The following SLCO2A1 variants were observed in gnomAD, a reference collection of about 807,000 sequenced individuals.
SLCO2A1 encodes the protein solute carrier organic anion transporter family member 2A1.
Under a neutral mutation model 71.7 loss-of-function variants are expected in SLCO2A1, and 60 were observed. That is an observed-to-expected ratio of 0.84 (90% CI 0.68 to 1.04). The LOEUF is 1.04. SLCO2A1 is among the 50% of genes least tolerant of loss of function. The pLI is 0.00. For missense variants in SLCO2A1, 745 were observed against 813.4 expected (o/e 0.92, Z 1.02); for synonymous variants, 308 against 326.7 (o/e 0.94, Z 0.62).
At chr3:133,990,664 C>T (rs1014941906) in intron 1 of SLCO2A1, among the ~76,000 whole-genome samples, 2 of 152,166 alleles carry the variant, frequency 1.3e-5, no homozygotes, top group Non-Finnish European at 1.5e-5. Flanking sequence ...TCCACTTCTC[C>T]ATCGCACTGT....
chr3:134,013,578 T>C (rs1352178992), intron 1 of SLCO2A1, among the ~76,000 whole-genome samples: 1 of 152,072 alleles, frequency 6.6e-6, no homozygotes, highest in Non-Finnish European at 1.5e-5. Context: ...CTAGGTACCA[T>C]TCCCTCTGCA....
intron 6 of SLCO2A1, 72 bp from the exon 7 acceptor site, chr3:133,949,043 T>C: frequency 7.5e-7 from 1 of 1,337,148 alleles, no homozygotes; most frequent in Non-Finnish European, 1.1e-6. Context: ...AGCCCTTGAG[T>C]CTCTGGCCTC....
At chr3:134,014,625 A>AG (rs1935407288) in intron 1 of SLCO2A1, among the ~76,000 whole-genome samples, 1 of 152,190 alleles carries the variant, frequency 6.6e-6, no homozygotes. Context: ...GTCTCATCTC[A>AG]ATCAGCAACT....
At chr3:133,941,654 T>TTGCCAGC (rs1272000396) in intron 11 of SLCO2A1, among the ~76,000 whole-genome samples, 1 of 152,058 alleles carries the variant, frequency 6.6e-6, no homozygotes, top group Non-Finnish European at 1.5e-5. Context: ...GAAGCATTCA[T>TTGCCAGC]TGCCAGCTGC....
intron 9 of SLCO2A1, among the ~76,000 whole-genome samples, chr3:133,945,633 G>A (rs1018605953): frequency 6.6e-6 from 1 of 152,164 alleles, no homozygotes; most frequent in Non-Finnish European, 1.5e-5. Flanking sequence ...CCGAAAAACA[G>A]TGGCTGGGAC....
intron 3 of SLCO2A1, among the ~76,000 whole-genome samples, chr3:133,959,644 GC>G (rs2108048168): frequency 6.6e-6 from 1 of 152,192 alleles, no homozygotes; most frequent in African/African-American, 2.4e-5. Context: ...GGGTAACATG[GC>G]AAAACCCTGT....
chr3:133,952,051 C>T (rs1040517680), intron 5 of SLCO2A1, among the ~76,000 whole-genome samples: 5 of 152,120 alleles, frequency 3.3e-5, no homozygotes, highest in East Asian at 1.9e-4. Context: ...AGAAACTATC[C>T]GGGCATAAAG....
chr3:133,948,542 G>C lies in SLCO2A1; in HGVS notation c.1099C>G (p.Leu367Val), dbSNP rs772320191. The change falls in exon 8 of 14, where the codon CTC (leucine) becomes GTC (valine). Residue 367 changes from leucine (L) to valine (V), a missense_variant. By Grantham distance (32) the Leu-to-Val change is conservative. Transcript: ENST00000310926. ...CAGCACCCTCTGGGCTCACCAATGAGGAAGTTGGCATAGGCTGCTGAGGTG... is the reference window on the plus strand; with the variant it reads ...CAGCACCCTCTGGGCTCACCAATGACGAAGTTGGCATAGGCTGCTGAGGTG... The part of the protein sequence containing the change: ...YGTSAAYANF[L>V]IGAVNLPAAA... 3.7e-6 allele frequency: 6 copies of C among 1,613,608 alleles called. No individual in the cohort carries two copies. Among genetic ancestry groups the C allele is most frequent in the Non-Finnish European group, 5.1e-6 (6 of 1,179,750 alleles).
chr3:133,948,499 C>T, intron 8 of SLCO2A1, 37 bp downstream of exon 8: 1 of 1,589,082 alleles, frequency 6.3e-7, no homozygotes, highest in Non-Finnish European at 8.6e-7. Context: ...CTGGCCCAGG[C>T]AAGCCCTGCG....
intron 10 of SLCO2A1, among the ~76,000 whole-genome samples, chr3:133,944,533 C>T (rs1293392041): frequency 6.6e-6 from 1 of 152,204 alleles, no homozygotes; most frequent in Non-Finnish European, 1.5e-5. Context: ...AGATACATGG[C>T]TTTGAATAGA....
chr3:134,020,783 T>C (rs1196320396), intron 1 of SLCO2A1, among the ~76,000 whole-genome samples: 3 of 151,890 alleles, frequency 2.0e-5, no homozygotes, highest in East Asian at 3.9e-4. Flanking sequence ...TCACGCATGG[T>C]GTGCCTTTAT....
At position 133,934,594 on chromosome 3, in the gene SLCO2A1, G is replaced by A; in HGVS notation, c.*119C>T. 5.4e-6 allele frequency: 4 copies of A among 740,884 alleles called. No individual in the cohort carries two copies. Among genetic ancestry groups the A allele is most frequent in the Non-Finnish European group, 9.1e-6 (4 of 439,284 alleles). The allele number at this position is 740,884 out of a possible 1,614,324, so 45.9% of individuals were successfully genotyped here. Reference sequence around the variant, plus strand: ...GGTAGGGAAGGCAAATGAGGACTGGGGTTTTCTTTCTTGTTTAAAAATACA... The same window carrying A: ...GGTAGGGAAGGCAAATGAGGACTGGAGTTTTCTTTCTTGTTTAAAAATACA... On this transcript the variant is annotated 3_prime_UTR_variant, in exon 14 of 14. Transcript: ENST00000310926.
chr3:133,994,943 C>G (rs1372724425), intron 1 of SLCO2A1, among the ~76,000 whole-genome samples: 2 of 152,174 alleles, frequency 1.3e-5, no homozygotes, highest in Non-Finnish European at 2.9e-5. Flanking sequence ...GTTTCCTACT[C>G]TTTTCTTCTG....
At chr3:134,005,094 C>G (rs1039218651) in intron 1 of SLCO2A1, among the ~76,000 whole-genome samples, 4 of 152,140 alleles carry the variant, frequency 2.6e-5, no homozygotes, top group African/African-American at 9.7e-5. Flanking sequence ...TAGGGCGAGC[C>G]CAGCTGGCAT....
intron 1 of SLCO2A1, among the ~76,000 whole-genome samples, chr3:134,029,222 C>A (rs943590726): frequency 1.3e-5 from 2 of 152,110 alleles, no homozygotes; most frequent in African/African-American, 4.8e-5. Context: ...CTTAGGCCAC[C>A]CACCCCAGGA....
intron 10 of SLCO2A1, among the ~76,000 whole-genome samples, chr3:133,943,941 C>T (rs1180327170): frequency 1.3e-5 from 2 of 152,226 alleles, no homozygotes; most frequent in Non-Finnish European, 2.9e-5. Flanking sequence ...ATGTTCCTAG[C>T]TTACACTAAC....
intron 1 of SLCO2A1, among the ~76,000 whole-genome samples, chr3:134,012,590 A>G (rs1263561814): frequency 6.6e-6 from 1 of 152,208 alleles, no homozygotes; most frequent in Non-Finnish European, 1.5e-5. Context: ...CTTTATCAAC[A>G]TTTATATAGA....
chr3:134,013,834 T>C (rs554029178), intron 1 of SLCO2A1, among the ~76,000 whole-genome samples: 4 of 152,288 alleles, frequency 2.6e-5, no homozygotes, highest in African/African-American at 9.6e-5. Flanking sequence ...AAGATTAAAG[T>C]ATAAAAATAT....
chr3:134,026,332 A>G (rs777624789), intron 1 of SLCO2A1, among the ~76,000 whole-genome samples: 3 of 151,562 alleles, frequency 2.0e-5, no homozygotes, highest in Non-Finnish European at 2.9e-5. Context: ...CCGGGACTAG[A>G]CAGCCCCCAC....
Sources: allele counts gnomAD v4.1 joint callset (sites outside exome capture counted in the v4.1 genomes callset), GRCh38; gene constraint gnomAD v4.1.1; transcripts MANE v1.5; gene names NCBI Gene and HGNC (gene_info 2026-07-23, HGNC 2026-07-21).